Variants in GATA6 observed in about 807,000 individuals in gnomAD.
The protein encoded by GATA6 is GATA binding protein 6.
A neutral mutation model predicts 48.1 loss-of-function variants in GATA6; 11 were observed. That is an observed-to-expected ratio of 0.23 (90% CI 0.14 to 0.38). GATA6 has a LOEUF of 0.38. Ranked by LOEUF, GATA6 falls within the 10% of genes least tolerant of loss-of-function variation. The pLI, the probability that GATA6 is intolerant of heterozygous loss-of-function variation, is 1.00. For synonymous variants in GATA6, 419 were observed against 396.1 expected, an observed-to-expected ratio of 1.06 and a Z score of -0.69; for missense variants, 795 against 850.3, an observed-to-expected ratio of 0.93 and a Z score of 0.81.
At chr18:22,176,082 GAA>G (rs2033118065) in intron 2 of GATA6, among the ~76,000 whole-genome samples, 1 of 152,012 alleles carries the variant, frequency 6.6e-6, no homozygotes, top group Non-Finnish European at 1.5e-5. Flanking sequence ...TGTGAATTCT[GAA>G]AACTAACCAA....
At chr18:22,193,724 T>C (rs1347909832) in intron 6 of GATA6, among the ~76,000 whole-genome samples, 3 of 152,208 alleles carry the variant, frequency 2.0e-5, no homozygotes, top group Non-Finnish European at 2.9e-5. Flanking sequence ...GCGCAGTGTT[T>C]TCTTTCCTCA....
intron 6 of GATA6, among the ~76,000 whole-genome samples, chr18:22,187,083 T>C (rs1395491476): frequency 6.6e-6 from 1 of 152,252 alleles, no homozygotes; most frequent in Non-Finnish European, 1.5e-5. Context: ...TTTTGATAAA[T>C]GGTTGCTTTC....
In GATA6 at chr18:22,171,646, G is replaced by A. The variant is rs774639835; in HGVS notation, c.502G>A (p.Gly168Ser). ...GPAAYDGAPG[G>S]FVHSAAAAAA... is the part of the protein sequence containing the mutation. Reference sequence around the variant, plus strand: ...GGCCGCCTACGACGGCGCGCCCGGCGGCTTCGTGCACTCTGCGGCCGCGGC... The same window carrying A: ...GGCCGCCTACGACGGCGCGCCCGGCAGCTTCGTGCACTCTGCGGCCGCGGC... The change falls in exon 2 of 7, where the codon GGC (glycine) becomes AGC (serine). Residue 168 changes from glycine (G) to serine (S), a missense_variant. This residue lies in a region of GATA6 where 591 missense variants were observed against 570.0 expected (regional missense o/e 1.04). Transcript: ENST00000269216. The surrounding 1 kb of genome is among the most constrained non-coding windows in gnomAD (Gnocchi z 7.1). 1.6e-5 allele frequency: 26 copies of A among 1,585,838 alleles called. No individual in the cohort carries two copies. Among genetic ancestry groups the A allele is most frequent in the Admixed American group, 1.0e-4 (6 of 58,188 alleles).
intron 6 of GATA6, among the ~76,000 whole-genome samples, chr18:22,188,680 C>T (rs2033292906): frequency 6.6e-6 from 1 of 152,196 alleles, no homozygotes; most frequent in Non-Finnish European, 1.5e-5. Context: ...GACCTTCTTA[C>T]TGGAGCGTTC....
rs778157997 is a variant in GATA6, at chr18:22,200,766, G to C, written c.1731G>C (p.Pro577=). The change falls in exon 7 of 7, where the codon CCG becomes CCC. Residue 577 remains proline, a synonymous_variant. Transcript: ENST00000269216. Reference sequence around the variant, plus strand: ...ACATAGGCGTCAGTCTCGCCTCGCCGGCCGAAGTCACGTCCTCCGTGCGAC... The same window carrying C: ...ACATAGGCGTCAGTCTCGCCTCGCCCGCCGAAGTCACGTCCTCCGTGCGAC... ...GLYIGVSLAS[P]AEVTSSVRPD... 1 of 1,613,760 alleles carries C rather than the reference G, an allele frequency of 6.2e-7. No homozygotes were observed. Among genetic ancestry groups the C allele is most frequent in the African/African-American group, 1.3e-5 (1 of 74,932 alleles).
rs780646014 is a variant in GATA6 at position 22,172,219 on chromosome 18, C to G, written c.1075C>G (p.Leu359Val). Reference sequence around the variant, plus strand: ...CGCCGGACCCTTCGAGACCCCGGTGCTGCACAGCCTGCAGAGCCGCGCCGG... The same window carrying G: ...CGCCGGACCCTTCGAGACCCCGGTGGTGCACAGCCTGCAGAGCCGCGCCGG... ...WPAGPFETPV[L>V]HSLQSRAGAP... The change falls in exon 2 of 7, where the codon CTG becomes GTG. Residue 359 changes from leucine to valine, a missense_variant. By Grantham distance (32) the Leu-to-Val change is conservative. Transcript: ENST00000269216. The surrounding 1 kb of genome is among the most constrained non-coding windows in gnomAD (Gnocchi z 5.2). The G allele has an allele frequency of 1.3e-6, 2 of 1,534,434 alleles. No individual in the cohort carries two copies. The highest frequency in any genetic ancestry group is 2.4e-5 in the South Asian group (2 of 83,972).
Position 22,201,365 on chromosome 18 carries a change from T to G in GATA6, c.*542T>G, listed in dbSNP as rs2033460647. 6.4e-6 allele frequency: 1 copy of G among 156,248 alleles called. No individual in the cohort carries two copies. Among genetic ancestry groups the G allele is most frequent in the Admixed American group, 6.2e-5 (1 of 16,116 alleles). The allele number at this position is 156,248 out of a possible 1,614,324, so 9.7% of individuals were successfully genotyped here. On this transcript the variant is annotated 3_prime_UTR_variant, in exon 7 of 7. Coordinates refer to ENST00000269216, the MANE Select transcript of GATA6 (RefSeq NM_005257.6). ...TTGTAACTTTAACATACACTGTGAC[T>G]GACGTTTCTCAAAGTTCATATTGTG...
intron 6 of GATA6, among the ~76,000 whole-genome samples, chr18:22,186,627 T>G (rs1267637819): frequency 1.3e-5 from 2 of 152,126 alleles, no homozygotes; most frequent in African/African-American, 4.8e-5. Flanking sequence ...CTGAGTATTG[T>G]GGAAGGGGTC....
Position 22,185,261 on chromosome 18 carries a change from A to G in GATA6, c.1620+2218A>G, listed in dbSNP as rs1032519285. On this transcript the variant is annotated intron_variant, in intron 6 of 6. Transcript: ENST00000269216. This position sits in a 1 kb window ranked among gnomAD's most constrained non-coding sequence, Gnocchi z 4.3. Reference sequence around the variant, plus strand: ...GCAGATGGAGGTGGCTTGCTGGTCAATGCCCTTCAGAGGAAAGATCAGTTC... The same window carrying G: ...GCAGATGGAGGTGGCTTGCTGGTCAGTGCCCTTCAGAGGAAAGATCAGTTC... 6.6e-6 allele frequency among the ~76,000 whole-genome samples: 1 copy of G among 152,198 alleles called. No individual in the cohort carries two copies. The highest frequency in any genetic ancestry group is 6.5e-5 in the Admixed American group (1 of 15,290).
rs181309030 is a variant in GATA6 at position 22,176,744 on chromosome 18, G to A, written c.1136-211G>A. Reference sequence around the variant, plus strand: ...CGGAGTCTCTACTGGGGCGCTCCGGGTGTGCAGAAGTATTGGACAAATGGT... The same window carrying A: ...CGGAGTCTCTACTGGGGCGCTCCGGATGTGCAGAAGTATTGGACAAATGGT... On this transcript the variant is annotated intron_variant, in intron 2 of 6. Coordinates refer to ENST00000269216, the MANE Select transcript of GATA6 (RefSeq NM_005257.6). The A allele has an allele frequency of 3.6e-4, 202 of 555,756 alleles. No individual in the cohort carries two copies. The African/African-American group carries it at 3.8e-3, about 10-fold the overall frequency. 34.4% of individuals were successfully genotyped at this position (555,756 alleles called of 1,614,324 possible).
chr18:22,195,686 A>G lies in GATA6; in HGVS notation c.1621-4970A>G, dbSNP rs573149159. Among the ~76,000 whole-genome samples, 104 of 152,266 alleles carry G rather than the reference A, an allele frequency of 6.8e-4. 1 individual carries two copies. In the Middle Eastern group the frequency reaches 0.01, roughly 15 times the overall value. On this transcript the variant is annotated intron_variant, in intron 6 of 6. Transcript: ENST00000269216. ...TTGTAATACTTACACATGTGCATGG[A>G]TAAATTGCAGTTATGACGTGTAATT...
intron 6 of GATA6, among the ~76,000 whole-genome samples, chr18:22,198,694 G>A (rs1231539699): frequency 6.6e-6 from 1 of 152,134 alleles, no homozygotes; most frequent in African/African-American, 2.4e-5. Context: ...GTTAAATCTG[G>A]ATCCACACTG....
chr18:22,189,920 A>G (rs903901894), intron 6 of GATA6, among the ~76,000 whole-genome samples: 1 of 152,218 alleles, frequency 6.6e-6, no homozygotes, highest in African/African-American at 2.4e-5. Flanking sequence ...GGTAAAGAAC[A>G]GTTCCAAGGT....
Position 22,175,143 on chromosome 18 carries a change from A to G in GATA6, c.1136-1812A>G, listed in dbSNP as rs943854004. Among the ~76,000 whole-genome samples, 36 of 151,272 alleles carry G rather than the reference A, an allele frequency of 2.4e-4. No individual in the cohort carries two copies. The Middle Eastern group carries it at 0.01, about 43-fold the overall frequency. On this transcript the variant is annotated intron_variant, in intron 2 of 6. Transcript: ENST00000269216. ...ATCTTACAGCTTTTATAAAGACAGC[A>G]TTTTTTTTTCCTTTTTAGTCACTTA...
chr18:22,183,796 CCTT>C (rs1410015956), intron 6 of GATA6, among the ~76,000 whole-genome samples: 1 of 152,160 alleles, frequency 6.6e-6, no homozygotes, highest in Non-Finnish European at 1.5e-5. Context: ...CCTGGAATGC[CCTT>C]CTAAAAAATA....
Position 22,201,089 on chromosome 18 carries a change from A to G in GATA6, c.*266A>G. 1.8e-6 allele frequency: 1 copy of G among 555,750 alleles called. No homozygotes were observed. The allele number at this position is 555,750 out of a possible 1,614,324, so 34.4% of individuals were successfully genotyped here. The stretch of plus-strand genomic sequence containing the variant: ...TGCTCCACTTCCAGAAGCCAGGACT[A>G]GGACCTGGGCCTTGCCTGCTATGGA... On this transcript the variant is annotated 3_prime_UTR_variant, in exon 7 of 7. Transcript: ENST00000269216.
At chr18:22,193,227 G>C (rs2033348973) in intron 6 of GATA6, among the ~76,000 whole-genome samples, 1 of 148,350 alleles carries the variant, frequency 6.7e-6, no homozygotes, top group South Asian at 2.1e-4. Flanking sequence ...TTAAGAATTC[G>C]AGAGTTTCAT....
chr18:22,176,419 A>G (rs2033122507), intron 2 of GATA6: 1 of 152,260 alleles, frequency 6.6e-6, no homozygotes, highest in Non-Finnish European at 1.5e-5. Context: ...CTTTAATTGG[A>G]GAAGAGGCAC....
intron 3 of GATA6, among the ~76,000 whole-genome samples, chr18:22,179,852 G>T (rs1216707504): frequency 6.6e-6 from 1 of 152,212 alleles, no homozygotes; most frequent in Non-Finnish European, 1.5e-5. Flanking sequence ...TAAAAGGTTT[G>T]CCAGTGTCTC....
Sources: allele counts gnomAD v4.1 joint callset (sites outside exome capture counted in the v4.1 genomes callset), GRCh38; gene constraint gnomAD v4.1.1; regional missense constraint gnomAD v4.1.1; non-coding constraint Gnocchi (gnomAD v3.1); transcripts MANE v1.5; gene names NCBI Gene and HGNC (gene_info 2026-07-23, HGNC 2026-07-21).